The following CIMIP4 variants were observed in gnomAD, a reference collection of about 807,000 sequenced individuals.
CIMIP4 encodes protein EAN57.
the CIMIP4 span, among the ~76,000 whole-genome samples, chr22:36,993,333 T>C: frequency 6.6e-6 from 1 of 152,134 alleles, no homozygotes; most frequent in Non-Finnish European, 1.5e-5. Flanking sequence ...TCTAAGGCCC[T>C]TAGTGTTCAG....
chr22:37,006,465 C>T, the CIMIP4 span, among the ~76,000 whole-genome samples: 2 of 152,178 alleles, frequency 1.3e-5, no homozygotes, highest in Non-Finnish European at 1.5e-5. Context: ...CTATGCCTAT[C>T]ACATCACTGT....
chr22:37,004,169 T>G, the CIMIP4 span: 2 of 688,610 alleles, frequency 2.9e-6, no homozygotes, highest in African/African-American at 3.7e-5. Flanking sequence ...TGGTGCCCTC[T>G]GGCACTGCCC....
chr22:37,001,857 G>C, the CIMIP4 span: 4 of 1,598,766 alleles, frequency 2.5e-6, no homozygotes, highest in African/African-American at 1.3e-5. Flanking sequence ...GAGACCAGCT[G>C]GTCCACCACA....
the CIMIP4 span, among the ~76,000 whole-genome samples, chr22:36,993,112 A>G: frequency 1.5e-3 from 221 of 151,494 alleles, no homozygotes; most frequent in African/African-American, 5.2e-3. Flanking sequence ...CCCAGGTTCA[A>G]TCTACTCTCC....
At chr22:37,006,766 T>C in the CIMIP4 span, among the ~76,000 whole-genome samples, 3 of 152,212 alleles carry the variant, frequency 2.0e-5, no homozygotes, top group Admixed American at 6.5e-5. Context: ...TCCCTGTTTC[T>C]TGGTATAATT....
At chr22:36,991,938 C>T in the CIMIP4 span, among the ~76,000 whole-genome samples, 1 of 152,076 alleles carries the variant, frequency 6.6e-6, no homozygotes, top group Non-Finnish European at 1.5e-5. Flanking sequence ...TCTCTGTTTT[C>T]AAAATTCAAA....
the CIMIP4 span, among the ~76,000 whole-genome samples, chr22:37,003,052 G>T: frequency 6.6e-6 from 1 of 152,232 alleles, no homozygotes; most frequent in Non-Finnish European, 1.5e-5. Flanking sequence ...TATGTTTGGT[G>T]GTCTTCCCTC....
chr22:36,999,765 C>T, the CIMIP4 span: 16 of 1,544,492 alleles, frequency 1.0e-5, no homozygotes, highest in Admixed American at 1.9e-4. Context: ...GGAGTGGAAA[C>T]CCCAAAGGCC....
At chr22:36,991,372 C>G in the CIMIP4 span, 37 of 1,551,900 alleles carry the variant, frequency 2.4e-5, no homozygotes, top group East Asian at 8.3e-4. Context: ...TCTTCCAAGT[C>G]CACCCCGGCT....
At chr22:36,996,236 T>C in the CIMIP4 span, among the ~76,000 whole-genome samples, 1 of 99,370 alleles carries the variant, frequency 1.0e-5, no homozygotes. Context: ...ATATGTTAAA[T>C]ACTATGCATA....
chr22:36,999,914 T>C, the CIMIP4 span: 1 of 1,614,000 alleles, frequency 6.2e-7, no homozygotes, highest in Non-Finnish European at 8.5e-7. Flanking sequence ...TTCCACAGGA[T>C]TCTGGGTCCT....
the CIMIP4 span, chr22:36,991,214 C>A: frequency 4.3e-6 from 7 of 1,614,042 alleles, no homozygotes; most frequent in Admixed American, 1.2e-4. Flanking sequence ...CTGTTTTCTC[C>A]ATATTTCTCT....
the CIMIP4 span, among the ~76,000 whole-genome samples, chr22:37,006,959 G>A: frequency 6.6e-6 from 1 of 152,154 alleles, no homozygotes; most frequent in African/African-American, 2.4e-5. Flanking sequence ...ATGCCCTATG[G>A]AGAGGTCCAC....
At chr22:36,994,340 G>C in the CIMIP4 span, among the ~76,000 whole-genome samples, 3 of 152,132 alleles carry the variant, frequency 2.0e-5, no homozygotes, top group Admixed American at 6.5e-5. Context: ...ATTATTTTGA[G>C]AGGGAGTCTT....
At chr22:36,995,535 G>A in the CIMIP4 span, among the ~76,000 whole-genome samples, 1 of 152,082 alleles carries the variant, frequency 6.6e-6, no homozygotes, top group African/African-American at 2.4e-5. Flanking sequence ...CCTGTCTGTG[G>A]GAAGCCTATA....
At chr22:36,998,561 G>A in the CIMIP4 span, among the ~76,000 whole-genome samples, 70 of 152,298 alleles carry the variant, frequency 4.6e-4, no homozygotes, top group Non-Finnish European at 4.7e-4. Context: ...CTGGGAACAG[G>A]ATCATAGCTA....
chr22:37,002,062 TG>T, the CIMIP4 span: 2 of 1,607,442 alleles, frequency 1.2e-6, no homozygotes, highest in Non-Finnish European at 1.7e-6. Flanking sequence ...ACCTGGACTG[TG>T]GGTCCATGCC....
At chr22:36,991,498 C>T in the CIMIP4 span, 3 of 1,614,176 alleles carry the variant, frequency 1.9e-6, no homozygotes, top group Non-Finnish European at 2.5e-6. Context: ...ATCCGTCTTC[C>T]TGCCATGCCA....
At chr22:36,993,736 A>C in the CIMIP4 span, among the ~76,000 whole-genome samples, 1 of 152,092 alleles carries the variant, frequency 6.6e-6, no homozygotes, top group Middle Eastern at 3.2e-3. Context: ...CTCAAAAAAA[A>C]AGAAAAGAAA....
Sources: gnomAD v4.1 joint callset for allele counts (sites outside exome capture counted in the v4.1 genomes callset) on GRCh38, gnomAD v4.1.1 for gene constraint, MANE v1.5 for transcripts, NCBI Gene and HGNC (gene_info 2026-07-23, HGNC 2026-07-21) for gene names.